Variants in ESF1 observed in about 807,000 individuals in gnomAD.
ESF1 encodes ESF1 homolog.
A neutral mutation model predicts 92.0 loss-of-function variants in ESF1; 58 were observed. The observed-to-expected ratio is 0.63, with a 90% confidence interval of 0.51 to 0.78. The LOEUF is 0.78. Among genes scored for constraint, ESF1 ranks in the 30% least tolerant of loss-of-function variants. The pLI, the probability that ESF1 is intolerant of heterozygous loss-of-function variation, is 0.00. For missense variants in ESF1, 922 were observed against 989.1 expected, an observed-to-expected ratio of 0.93 and a Z score of 0.91; for synonymous variants, 321 against 313.7, an observed-to-expected ratio of 1.02 and a Z score of -0.24.
rs1978369338 is a variant in ESF1 at position 13,748,241 on chromosome 20, G to T, written c.1828+11451C>A. ...CAGTTCTTCTGTCTCCTAGTTTTGTGATCTTAAGCAAGTCTATGCTTCAGT... is the reference window on the plus strand; with the variant it reads ...CAGTTCTTCTGTCTCCTAGTTTTGTTATCTTAAGCAAGTCTATGCTTCAGT... On this transcript the variant is annotated intron_variant, in intron 9 of 13. Coordinates refer to ENST00000617257, the MANE Select transcript of ESF1 (RefSeq NM_001276380.2). Among the ~76,000 whole-genome samples the T allele has an allele frequency of 4.6e-5, 7 of 152,104 alleles. No homozygotes were observed. The South Asian group carries it at 1.5e-3, about 32-fold the overall frequency.
intron 13 of ESF1, among the ~76,000 whole-genome samples, chr20:13,716,789 C>T (rs1161662747): frequency 7.2e-5 from 9 of 125,070 alleles, no homozygotes; most frequent in African/African-American, 1.7e-4. Flanking sequence ...TACAGGTGTG[C>T]GCCACTATAC....
intron 4 of ESF1, among the ~76,000 whole-genome samples, chr20:13,774,003 G>A (rs1054448918): frequency 6.6e-5 from 10 of 152,086 alleles, no homozygotes; most frequent in African/African-American, 2.2e-4. Context: ...GCTGAGGCAG[G>A]AGAATGGCGT....
At chr20:13,740,262 T>G (rs549671649) in intron 9 of ESF1, among the ~76,000 whole-genome samples, 1 of 152,186 alleles carries the variant, frequency 6.6e-6, no homozygotes, top group East Asian at 1.9e-4. Flanking sequence ...ACAATCAAAC[T>G]TCACAGAAAC....
intron 9 of ESF1, among the ~76,000 whole-genome samples, chr20:13,739,800 C>A (rs1487093288): frequency 1.3e-5 from 2 of 151,526 alleles, no homozygotes; most frequent in African/African-American, 4.9e-5. Flanking sequence ...GGGACAAACA[C>A]TGATCTGCTA....
intron 13 of ESF1, among the ~76,000 whole-genome samples, chr20:13,716,664 A>T (rs1207557676): frequency 5.6e-5 from 8 of 143,462 alleles, no homozygotes; most frequent in African/African-American, 2.1e-4. Flanking sequence ...TTTTTGAGAC[A>T]GGGTCTTGTT....
intron 8 of ESF1, among the ~76,000 whole-genome samples, chr20:13,763,665 T>C (rs888920690): frequency 3.3e-5 from 5 of 151,930 alleles, no homozygotes; most frequent in Admixed American, 6.6e-5. Context: ...TAGAGGAAAA[T>C]TGAAAAAAGG....
chr20:13,771,294 C>T (rs776329785), intron 6 of ESF1, 37 bp downstream of exon 6: 5 of 1,553,880 alleles, frequency 3.2e-6, no homozygotes, highest in Middle Eastern at 2.3e-4. Context: ...TCATGTTGTA[C>T]TAAAAGATTA....
Position 13,718,595 on chromosome 20 carries a change from G to A in ESF1, c.2115+313C>T, listed in dbSNP as rs181421918. Among the ~76,000 whole-genome samples, 3 of 152,222 alleles carry A rather than the reference G, an allele frequency of 2.0e-5. No homozygotes were observed. In the East Asian group the frequency reaches 5.8e-4, roughly 29 times the overall value. On this transcript the variant is annotated intron_variant, in intron 12 of 13. Coordinates refer to ENST00000617257, the MANE Select transcript of ESF1 (RefSeq NM_001276380.2). ...TGGCAATATTATTTTGAGGTTTTAA[G>A]GGTATTTTCTGCCTCAGGTATAGTA...
Position 13,752,566 on chromosome 20 carries a change from GA to G in ESF1, c.1828+7125del, listed in dbSNP as rs1460109423. 2.6e-5 allele frequency among the ~76,000 whole-genome samples: 4 copies of G among 152,194 alleles called. No homozygotes were observed. The East Asian group carries it at 7.7e-4, about 29-fold the overall frequency. On this transcript the variant is annotated intron_variant, in intron 9 of 13. Coordinates refer to ENST00000617257, the MANE Select transcript of ESF1 (RefSeq NM_001276380.2). Reference sequence around the variant, plus strand: ...GAAAATGGAGCCAAAACTAAACAGTGAACAGGTTTTGAGACATCTAAAAATT... The same window carrying G: ...GAAAATGGAGCCAAAACTAAACAGTGACAGGTTTTGAGACATCTAAAAATT...
chr20:13,726,437 T>G (rs1182661820), intron 11 of ESF1, among the ~76,000 whole-genome samples: 1 of 152,068 alleles, frequency 6.6e-6, no homozygotes, highest in Admixed American at 6.6e-5. Context: ...CTCCCCTCAT[T>G]TGCAATGCTC....
At chr20:13,740,632 A>C (rs933496447) in intron 9 of ESF1, among the ~76,000 whole-genome samples, 4 of 152,220 alleles carry the variant, frequency 2.6e-5, no homozygotes, top group African/African-American at 9.6e-5. Flanking sequence ...CAGAACTAAC[A>C]AAAGATGATA....
chr20:13,736,864 C>CCTGG (rs1360806569), intron 9 of ESF1, among the ~76,000 whole-genome samples: 1 of 151,018 alleles, frequency 6.6e-6, no homozygotes, highest in Non-Finnish European at 1.5e-5. Flanking sequence ...TTTTTTTTTG[C>CCTGG]CTGGCTCTCA....
intron 7 of ESF1, among the ~76,000 whole-genome samples, chr20:13,769,090 A>G (rs1277452942): frequency 1.3e-5 from 2 of 152,128 alleles, no homozygotes; most frequent in African/African-American, 4.8e-5. Flanking sequence ...CCTATTTTAA[A>G]TTTTCACTAG....
At chr20:13,774,727 G>T (rs955712471) in intron 4 of ESF1, among the ~76,000 whole-genome samples, 3 of 152,126 alleles carry the variant, frequency 2.0e-5, no homozygotes, top group Non-Finnish European at 4.4e-5. Context: ...CAAAATTTAT[G>T]TAAGTTTTTC....
intron 9 of ESF1, among the ~76,000 whole-genome samples, chr20:13,756,415 T>C (rs1287777651): frequency 2.0e-5 from 3 of 152,240 alleles, no homozygotes; most frequent in East Asian, 1.9e-4. Context: ...ATACCCAATG[T>C]TGACGATAAT....
chr20:13,746,842 T>C (rs910386130), intron 9 of ESF1, among the ~76,000 whole-genome samples: 2 of 152,266 alleles, frequency 1.3e-5, no homozygotes, highest in African/African-American at 4.8e-5. Context: ...TGATTTTTCT[T>C]CTTGCAATCT....
chr20:13,736,196 C>T (rs185708295), intron 9 of ESF1, among the ~76,000 whole-genome samples: 20 of 152,192 alleles, frequency 1.3e-4, no homozygotes, highest in Middle Eastern at 3.4e-3. Context: ...TTTGTTGTGA[C>T]GGGCTATCCT....
At chr20:13,715,742 G>A (rs1460992662) in intron 13 of ESF1, among the ~76,000 whole-genome samples, 1 of 152,118 alleles carries the variant, frequency 6.6e-6, no homozygotes, top group Non-Finnish European at 1.5e-5. Context: ...ATAAAAACTT[G>A]TGGTTCCATG....
intron 9 of ESF1, among the ~76,000 whole-genome samples, chr20:13,748,533 C>CAT (rs1223573521): frequency 7.4e-5 from 9 of 121,850 alleles, no homozygotes; most frequent in East Asian, 2.4e-4. Flanking sequence ...TATATATACA[C>CAT]ATATATATGT....
Sources: allele counts gnomAD v4.1 joint callset (sites outside exome capture counted in the v4.1 genomes callset), GRCh38; gene constraint gnomAD v4.1.1; transcripts MANE v1.5; gene names NCBI Gene and HGNC (gene_info 2026-07-23, HGNC 2026-07-21).